ANKFN1: variants seen among roughly 807,000 people sequenced by gnomAD.
ANKFN1 encodes the protein ankyrin repeat and fibronectin type III domain containing 1, also known as ankyrin repeat and fibronectin type-III domain-containing protein 1.
In ANKFN1, 74 loss-of-function variants were observed where a neutral mutation model predicts 108.7. That is an observed-to-expected ratio of 0.68 (90% CI 0.56 to 0.83). ANKFN1 has a LOEUF of 0.83. Ranked by LOEUF, ANKFN1 falls within the 40% of genes least tolerant of loss-of-function variation. The pLI is 0.00. For missense variants in ANKFN1, 1,505 were observed against 1,382.3 expected, an observed-to-expected ratio of 1.09 and a Z score of -1.41; for synonymous variants, 547 against 516.2, an observed-to-expected ratio of 1.06 and a Z score of -0.81.
At chr17:56,118,599 A>G (rs1906416481) in intron 4 of ANKFN1, among the ~76,000 whole-genome samples, 1 of 152,192 alleles carries the variant, frequency 6.6e-6, no homozygotes, top group Non-Finnish European at 1.5e-5. Context: ...TCACTGTTCA[A>G]GTATGTTACA....
chr17:56,484,215 A>G (rs1331455935), intron 18 of ANKFN1, among the ~76,000 whole-genome samples: 1 of 152,212 alleles, frequency 6.6e-6, no homozygotes, highest in Non-Finnish European at 1.5e-5. Context: ...GGTGGGATGT[A>G]AATCTGTACA....
At chr17:56,337,905 A>G (rs2045857831) in intron 4 of ANKFN1, among the ~76,000 whole-genome samples, 1 of 152,204 alleles carries the variant, frequency 6.6e-6, no homozygotes, top group African/African-American at 2.4e-5. Context: ...GGGATTCCTC[A>G]AGGATCTAGA....
chr17:56,156,251 T>G (rs1220773292), intron 1 of ANKFN1, among the ~76,000 whole-genome samples: 6 of 151,890 alleles, frequency 4.0e-5, no homozygotes, highest in African/African-American at 9.7e-5. Flanking sequence ...GGCTAATTTT[T>G]TTGTTGTTGT....
chr17:56,346,498 C>T (rs1217954426), intron 4 of ANKFN1, among the ~76,000 whole-genome samples: 1 of 152,032 alleles, frequency 6.6e-6, no homozygotes, highest in South Asian at 2.1e-4. Flanking sequence ...TCCAAGACTG[C>T]CACAGAGCTG....
At chr17:56,281,192 A>G (rs1819651707) in intron 3 of ANKFN1, among the ~76,000 whole-genome samples, 3 of 150,882 alleles carry the variant, frequency 2.0e-5, no homozygotes, top group African/African-American at 7.3e-5. Flanking sequence ...CCAGATATAT[A>G]GTATTAGTGT....
At chr17:56,128,688 C>A (rs1907087433) in intron 4 of ANKFN1, among the ~76,000 whole-genome samples, 1 of 152,190 alleles carries the variant, frequency 6.6e-6, no homozygotes, top group African/African-American at 2.4e-5. Flanking sequence ...AGTAAAGGCT[C>A]TGAGAAGTCC....
chr17:56,303,276 A>G (rs751317754), intron 3 of ANKFN1, among the ~76,000 whole-genome samples: 13 of 152,236 alleles, frequency 8.5e-5, no homozygotes, highest in Non-Finnish European at 1.8e-4. Flanking sequence ...ATTTATTATT[A>G]CATTCAATAA....
chr17:56,422,671 G>A (rs933075701), intron 8 of ANKFN1, among the ~76,000 whole-genome samples: 4 of 152,014 alleles, frequency 2.6e-5, no homozygotes, highest in Admixed American at 1.3e-4. Context: ...GATGATGAAC[G>A]TTTGATAAAC....
intron 4 of ANKFN1, among the ~76,000 whole-genome samples, chr17:56,346,522 T>C (rs2144647704): frequency 6.6e-6 from 1 of 152,164 alleles, no homozygotes; most frequent in South Asian, 2.1e-4. Flanking sequence ...AAGATGGGAA[T>C]AGGGCAAGTT....
At chr17:56,209,097 T>C (rs1045012986) in intron 1 of ANKFN1, among the ~76,000 whole-genome samples, 3 of 152,134 alleles carry the variant, frequency 2.0e-5, no homozygotes, top group Non-Finnish European at 2.9e-5. Context: ...ACAACATTTT[T>C]CCTAAAGAAG....
At chr17:56,178,369 T>C (rs751952406) in intron 1 of ANKFN1, among the ~76,000 whole-genome samples, 18 of 152,222 alleles carry the variant, frequency 1.2e-4, no homozygotes, top group Non-Finnish European at 2.4e-4. Context: ...AAGTTCCCAA[T>C]ATAATTTGGC....
chr17:56,368,006 C>T (rs939171580), intron 6 of ANKFN1: 15 of 280,800 alleles, frequency 5.3e-5, no homozygotes, highest in Admixed American at 3.5e-4. Flanking sequence ...CATCCCATCT[C>T]CCTGGGTCTC....
At chr17:56,107,338 T>A (rs1405739437) in intron 4 of ANKFN1, among the ~76,000 whole-genome samples, 2 of 152,148 alleles carry the variant, frequency 1.3e-5, no homozygotes, top group Non-Finnish European at 2.9e-5. Context: ...GTCAAAATGC[T>A]CCATCCATGT....
At chr17:56,269,081 A>G (rs1383817808) in intron 3 of ANKFN1, among the ~76,000 whole-genome samples, 2 of 151,978 alleles carry the variant, frequency 1.3e-5, no homozygotes, top group African/African-American at 4.8e-5. Context: ...TCCCCATTTG[A>G]CTCAGATTTC....
chr17:56,347,820 G>A (rs1437797811), intron 4 of ANKFN1, among the ~76,000 whole-genome samples: 1 of 152,044 alleles, frequency 6.6e-6, no homozygotes, highest in African/African-American at 2.4e-5. Flanking sequence ...GAACAGATGG[G>A]AGATGAGCAA....
chr17:56,162,446 G>A (rs1040860830), intron 1 of ANKFN1, among the ~76,000 whole-genome samples: 27 of 152,156 alleles, frequency 1.8e-4, no homozygotes, highest in Non-Finnish European at 1.6e-4. Context: ...CCATCCTGTC[G>A]TTGGGTCTTC....
chr17:56,102,569 C>G (rs566035991), intron 4 of ANKFN1, among the ~76,000 whole-genome samples: 1 of 151,862 alleles, frequency 6.6e-6, no homozygotes, highest in South Asian at 2.1e-4. Context: ...GGCTCTCAAA[C>G]AGGGACAAGC....
intron 20 of ANKFN1, among the ~76,000 whole-genome samples, chr17:56,508,369 T>C (rs1299454270): frequency 6.6e-6 from 1 of 152,112 alleles, no homozygotes; most frequent in Non-Finnish European, 1.5e-5. Context: ...TTAAATGCTG[T>C]TTTTAAAAAT....
chr17:56,394,526 A>G (rs2047523821), intron 8 of ANKFN1, among the ~76,000 whole-genome samples: 1 of 152,168 alleles, frequency 6.6e-6, no homozygotes, highest in African/African-American at 2.4e-5. Flanking sequence ...ACAGTGGAGT[A>G]GTGCATAGTG....
Sources: allele counts gnomAD v4.1 joint callset (sites outside exome capture counted in the v4.1 genomes callset), GRCh38; gene constraint gnomAD v4.1.1; transcripts MANE v1.5; gene names NCBI Gene and HGNC (gene_info 2026-07-23, HGNC 2026-07-21).